PEX14: variants seen among roughly 807,000 people sequenced by gnomAD.
The protein encoded by PEX14 is peroxisomal biogenesis factor 14.
In PEX14, 15 loss-of-function variants were observed where a neutral mutation model predicts 49.5. The ratio of observed to expected loss-of-function variants is 0.30; its 90% CI spans 0.20 to 0.47. The LOEUF (loss-of-function observed/expected upper bound fraction) is 0.47. Among genes scored for constraint, PEX14 ranks in the 20% least tolerant of loss-of-function variants. The pLI is 1.00. For synonymous variants in PEX14, 210 were observed against 212.7 expected (o/e 0.99, Z 0.11); for missense variants, 398 against 494.8 (o/e 0.80, Z 1.86).
chr1:10,534,073 A>G (rs1288845862), intron 2 of PEX14, among the ~76,000 whole-genome samples: 4 of 152,200 alleles, frequency 2.6e-5, no homozygotes, highest in East Asian at 1.9e-4. Flanking sequence ...TTCTGTTTCT[A>G]TGGGTAAATG....
intron 3 of PEX14, among the ~76,000 whole-genome samples, chr1:10,545,377 G>A (rs1320559725): frequency 2.6e-5 from 4 of 152,306 alleles, no homozygotes; most frequent in South Asian, 4.1e-4. Flanking sequence ...TATAATAGGT[G>A]TGTGTTTAAC....
Position 10,514,800 on chromosome 1 carries a change from A to G in PEX14, c.84+19479A>G, listed in dbSNP as rs1193573303. ...GCTACACCAAGCTTCTGGCATTTTTATTGTTCTTGAAAATTGTGTACTGAT... is the reference window on the plus strand; with the variant it reads ...GCTACACCAAGCTTCTGGCATTTTTGTTGTTCTTGAAAATTGTGTACTGAT... On this transcript the variant is annotated intron_variant, in intron 2 of 8. Coordinates refer to ENST00000356607, the MANE Select transcript of PEX14 (RefSeq NM_004565.3). The surrounding 1 kb of genome is among the most constrained non-coding windows in gnomAD (Gnocchi z 4.4). Among the ~76,000 whole-genome samples the G allele has an allele frequency of 2.0e-5, 3 of 152,156 alleles. No homozygotes were observed. Among genetic ancestry groups the G allele is most frequent in the Non-Finnish European group, 2.9e-5 (2 of 68,012 alleles).
chr1:10,528,921 C>T (rs139866892), intron 2 of PEX14, among the ~76,000 whole-genome samples: 4 of 152,194 alleles, frequency 2.6e-5, no homozygotes, highest in Admixed American at 1.3e-4. Context: ...TGTATAATGG[C>T]ATTTTCCTCC....
At position 10,490,304 on chromosome 1, in the gene PEX14, G is replaced by C. The variant is rs1641448162; in HGVS notation, c.37-4970G>C. 2.0e-5 allele frequency among the ~76,000 whole-genome samples: 3 copies of C among 152,160 alleles called. 1 individual carries two copies. Among genetic ancestry groups the C allele is most frequent in the Non-Finnish European group, 4.4e-5 (3 of 68,028 alleles). On this transcript the variant is annotated intron_variant, in intron 1 of 8. Coordinates refer to ENST00000356607, the MANE Select transcript of PEX14 (RefSeq NM_004565.3). Reference sequence around the variant, plus strand: ...CTGGAGTCACAGTCACCGGGCAGATGCAGGATGGGTTCTCCTATCTGAAGT... The same window carrying C: ...CTGGAGTCACAGTCACCGGGCAGATCCAGGATGGGTTCTCCTATCTGAAGT...
intron 3 of PEX14, among the ~76,000 whole-genome samples, chr1:10,566,810 C>T (rs1043702640): frequency 1.3e-5 from 2 of 152,136 alleles, no homozygotes; most frequent in Admixed American, 1.3e-4. Flanking sequence ...AGCCACCGCT[C>T]CTGGCCACCA....
rs1553187430 is a variant in PEX14 at position 10,537,341 on chromosome 1, A to AACCCCCCCCCCCC, written c.169+1044_169+1045insACCCCCCCCCCCC. Among the ~76,000 whole-genome samples, 7 of 28,430 alleles carry AACCCCCCCCCCCC rather than the reference A, an allele frequency of 2.5e-4. 1 individual carries two copies. Among genetic ancestry groups the AACCCCCCCCCCCC allele is most frequent in the African/African-American group, 7.1e-4 (5 of 7,082 alleles). 18.7% of individuals were successfully genotyped at this position (28,430 alleles called of 152,430 possible). On this transcript the variant is annotated intron_variant, in intron 3 of 8. Coordinates refer to ENST00000356607, the MANE Select transcript of PEX14 (RefSeq NM_004565.3). Reference sequence around the variant, plus strand: ...TGCTCACTGGCTGCATTGTGCCAGCACCCCCCCCCCCCGCCATCATTAGGA... The same window carrying AACCCCCCCCCCCC: ...TGCTCACTGGCTGCATTGTGCCAGCAACCCCCCCCCCCCCCCCCCCCCCCCGCCATCATTAGGA...
chr1:10,560,717 C>T (rs1385941110), intron 3 of PEX14, among the ~76,000 whole-genome samples: 1 of 117,650 alleles, frequency 8.5e-6, no homozygotes, highest in Non-Finnish European at 1.8e-5. Context: ...CATTTTGCCA[C>T]CTTTTTTTTT....
In PEX14 at chr1:10,543,469, G is replaced by A. The variant is rs539844408; in HGVS notation, c.169+7172G>A. ...TGACCTAGCCATTGAGGGAGGCAGT[G>A]GGCACAGAGAGAAAAGAGCAGGAAG... On this transcript the variant is annotated intron_variant, in intron 3 of 8. Transcript: ENST00000356607. Among the ~76,000 whole-genome samples, 13 of 152,228 alleles carry A rather than the reference G, an allele frequency of 8.5e-5. 1 individual carries two copies. The South Asian group carries it at 2.7e-3, about 32-fold the overall frequency.
chr1:10,499,668 G>C (rs570028248), intron 2 of PEX14, among the ~76,000 whole-genome samples: 43 of 151,896 alleles, frequency 2.8e-4, no homozygotes, highest in Admixed American at 1.7e-3. Context: ...AGGATGGTCT[G>C]GATCTCCTGA....
At chr1:10,519,433 GCGAA>G (rs1642028012) in intron 2 of PEX14, among the ~76,000 whole-genome samples, 1 of 152,126 alleles carries the variant, frequency 6.6e-6, no homozygotes, top group Non-Finnish European at 1.5e-5. Flanking sequence ...AAAGCACCTG[GCGAA>G]AAGACTCGGA....
At chr1:10,557,378 G>A (rs953816712) in intron 3 of PEX14, among the ~76,000 whole-genome samples, 1 of 152,178 alleles carries the variant, frequency 6.6e-6, no homozygotes, top group Admixed American at 6.5e-5. Context: ...TTGAGGTCAG[G>A]AGTTTGAGAC....
intron 3 of PEX14, among the ~76,000 whole-genome samples, chr1:10,596,760 C>T (rs182026286): frequency 5.3e-5 from 8 of 152,290 alleles, no homozygotes; most frequent in South Asian, 2.1e-4. Flanking sequence ...ATTGTTAAAA[C>T]GCTTACTTTT....
At chr1:10,525,925 A>ATT (rs35410807) in intron 2 of PEX14, among the ~76,000 whole-genome samples, 4 of 131,524 alleles carry the variant, frequency 3.0e-5, no homozygotes, top group Non-Finnish European at 3.2e-5. Flanking sequence ...CGCCTGGCTG[A>ATT]TTTTTTTTTT....
intron 2 of PEX14, among the ~76,000 whole-genome samples, chr1:10,530,015 G>T (rs945449276): frequency 6.6e-6 from 1 of 152,182 alleles, no homozygotes; most frequent in Non-Finnish European, 1.5e-5. Flanking sequence ...CCCAGGTGCA[G>T]GAGGCTACCT....
chr1:10,604,633 C>A (rs1412286149), intron 4 of PEX14, among the ~76,000 whole-genome samples: 1 of 152,030 alleles, frequency 6.6e-6, no homozygotes, highest in Non-Finnish European at 1.5e-5. Flanking sequence ...AAGAAAGAAA[C>A]TCTGAGTTGT....
At chr1:10,515,328 A>G (rs1641952409) in intron 2 of PEX14, among the ~76,000 whole-genome samples, 2 of 152,166 alleles carry the variant, frequency 1.3e-5, no homozygotes, top group African/African-American at 4.8e-5. Flanking sequence ...AAATTATCTT[A>G]GAAAAATGCA....
intron 3 of PEX14, among the ~76,000 whole-genome samples, chr1:10,550,725 G>A (rs1230471974): frequency 6.6e-6 from 1 of 152,170 alleles, no homozygotes; most frequent in African/African-American, 2.4e-5. Flanking sequence ...ACATATGGAA[G>A]CCCACCCAAT....
chr1:10,538,586 A>T (rs1641785217), intron 3 of PEX14, among the ~76,000 whole-genome samples: 1 of 152,238 alleles, frequency 6.6e-6, no homozygotes, highest in South Asian at 2.1e-4. Flanking sequence ...CCAAGGTTTG[A>T]TCGGTGTCTG....
chr1:10,486,565 C>A (rs553387186), intron 1 of PEX14, among the ~76,000 whole-genome samples: 5 of 151,796 alleles, frequency 3.3e-5, no homozygotes, highest in African/African-American at 1.2e-4. Context: ...ACCTGGAGTT[C>A]TAGCTACTCG....
Sources: gnomAD v4.1 joint callset for allele counts (sites outside exome capture counted in the v4.1 genomes callset) on GRCh38, gnomAD v4.1.1 for gene constraint, Gnocchi (gnomAD v3.1) non-coding constraint, MANE v1.5 for transcripts, NCBI Gene and HGNC (gene_info 2026-07-23, HGNC 2026-07-21) for gene names.